SLC2A13: variants seen among roughly 807,000 people sequenced by gnomAD.
SLC2A13 encodes the protein solute carrier family 2 member 13.
Under a neutral mutation model 64.4 loss-of-function variants are expected in SLC2A13, and 32 were observed. That is an observed-to-expected ratio of 0.50 (90% CI 0.37 to 0.67). The LOEUF is 0.67. SLC2A13 is among the 30% of genes least tolerant of loss of function. The pLI is 0.00. For missense variants in SLC2A13, 743 were observed against 829.2 expected (o/e 0.90, Z 1.28); for synonymous variants, 338 against 327.1 (o/e 1.03, Z -0.36).
At chr12:39,951,844 A>T (rs1946237217) in intron 3 of SLC2A13, among the ~76,000 whole-genome samples, 1 of 152,226 alleles carries the variant, frequency 6.6e-6, no homozygotes. Context: ...ATGTTATTTT[A>T]CTAAAGTTAC....
chr12:39,852,766 G>T (rs1226230497), intron 6 of SLC2A13, among the ~76,000 whole-genome samples: 1 of 152,140 alleles, frequency 6.6e-6, no homozygotes, highest in African/African-American at 2.4e-5. Context: ...ACCTCTGATT[G>T]GTCCTCTCCT....
intron 3 of SLC2A13, among the ~76,000 whole-genome samples, chr12:40,026,353 G>C (rs1417848266): frequency 1.3e-5 from 2 of 152,166 alleles, no homozygotes; most frequent in Non-Finnish European, 2.9e-5. Flanking sequence ...CTGGGGAATA[G>C]GGAATTATTT....
At chr12:39,909,987 A>C (rs1945390371) in intron 4 of SLC2A13, among the ~76,000 whole-genome samples, 1 of 151,904 alleles carries the variant, frequency 6.6e-6, no homozygotes, top group African/African-American at 2.4e-5. Flanking sequence ...TAAATCATAG[A>C]TATCTTTTTT....
At chr12:39,865,629 G>T (rs1041302176) in intron 5 of SLC2A13, among the ~76,000 whole-genome samples, 2 of 152,186 alleles carry the variant, frequency 1.3e-5, no homozygotes, top group African/African-American at 2.4e-5. Flanking sequence ...CACAGACATT[G>T]TGAGGGTAAA....
intron 4 of SLC2A13, among the ~76,000 whole-genome samples, chr12:39,920,247 C>G (rs1181755950): frequency 1.3e-5 from 2 of 152,030 alleles, no homozygotes; most frequent in African/African-American, 4.8e-5. Flanking sequence ...CAGCCATACC[C>G]TAAATATATG....
intron 7 of SLC2A13, among the ~76,000 whole-genome samples, chr12:39,829,252 G>T: frequency 6.6e-6 from 1 of 150,964 alleles, no homozygotes; most frequent in Non-Finnish European, 1.5e-5. Flanking sequence ...AAACATTAAG[G>T]TTTCTAGCCT....
chr12:39,759,177 A>AAGAT lies in SLC2A13; in HGVS notation c.*845_*848dup, dbSNP rs1940048171. 6.6e-6 allele frequency: 1 copy of AAGAT among 152,536 alleles called. No individual in the cohort carries two copies. Among genetic ancestry groups the AAGAT allele is most frequent in the Non-Finnish European group, 1.5e-5 (1 of 67,942 alleles). The allele number at this position is 152,536 out of a possible 1,614,324, so 9.4% of individuals were successfully genotyped here. A position where few individuals can be genotyped will look rare whatever the true frequency, so the allele number is the denominator to read the frequency against. On this transcript the variant is annotated 3_prime_UTR_variant, in exon 10 of 10. Transcript: ENST00000280871. ...AAAAACTGACCCTGATATACAGTTAAAGATCTGGCACTATTTTGCATTTAT... is the reference window on the plus strand; with the variant it reads ...AAAAACTGACCCTGATATACAGTTAAAGATAGATCTGGCACTATTTTGCATTTAT...
intron 2 of SLC2A13, among the ~76,000 whole-genome samples, chr12:40,038,061 C>G (rs1948019812): frequency 6.6e-6 from 1 of 152,130 alleles, no homozygotes; most frequent in Admixed American, 6.6e-5. Flanking sequence ...TCCTATTATT[C>G]TAGCTTCTTA....
chr12:39,853,694 C>T (rs575170106), intron 6 of SLC2A13, among the ~76,000 whole-genome samples: 1 of 151,218 alleles, frequency 6.6e-6, no homozygotes, highest in African/African-American at 2.4e-5. Context: ...AAGCTATCTT[C>T]CACTTTGCCA....
intron 3 of SLC2A13, among the ~76,000 whole-genome samples, chr12:39,993,543 A>T (rs1947174583): frequency 6.6e-6 from 1 of 152,256 alleles, no homozygotes; most frequent in South Asian, 2.1e-4. Context: ...GAGCTAGCTT[A>T]AGAGTTATCT....
In SLC2A13 at chr12:39,759,229, T is replaced by G. The variant is rs1033775558; in HGVS notation, c.*797A>C. ...ATTGCATACCTAAGTGACTAACCAATTTGGAACCCATAAAAACCTTTAATC... is the reference window on the plus strand; with the variant it reads ...ATTGCATACCTAAGTGACTAACCAAGTTGGAACCCATAAAAACCTTTAATC... On this transcript the variant is annotated 3_prime_UTR_variant, in exon 10 of 10. Coordinates refer to ENST00000280871, the MANE Select transcript of SLC2A13 (RefSeq NM_052885.4). The G allele has an allele frequency of 6.6e-6, 1 of 152,402 alleles. No homozygotes were observed. Among genetic ancestry groups the G allele is most frequent in the African/African-American group, 2.4e-5 (1 of 41,424 alleles). 9.4% of individuals were successfully genotyped at this position (152,402 alleles called of 1,614,324 possible).
chr12:39,968,951 C>G (rs559221566), intron 3 of SLC2A13, among the ~76,000 whole-genome samples: 26 of 152,020 alleles, frequency 1.7e-4, no homozygotes, highest in Non-Finnish European at 2.6e-4. Flanking sequence ...CTCCCTCCTT[C>G]CCCCACCCCA....
intron 4 of SLC2A13, among the ~76,000 whole-genome samples, chr12:39,934,087 T>C (rs1945878465): frequency 6.6e-6 from 1 of 152,242 alleles, no homozygotes; most frequent in African/African-American, 2.4e-5. Flanking sequence ...AAGTTAGCTA[T>C]GACCTAACTC....
chr12:39,800,139 T>C (rs79488721), intron 7 of SLC2A13, among the ~76,000 whole-genome samples: 2,600 of 152,348 alleles, frequency 0.017, 33 homozygotes, highest in Non-Finnish European at 0.027. Flanking sequence ...GCCATTGAGC[T>C]TCCCAAATGG....
At chr12:39,851,257 A>G (rs1394714553) in intron 6 of SLC2A13, among the ~76,000 whole-genome samples, 1 of 152,168 alleles carries the variant, frequency 6.6e-6, no homozygotes, top group Non-Finnish European at 1.5e-5. Flanking sequence ...ATTTGTTTCC[A>G]AAATGGACAA....
At chr12:39,973,981 C>A (rs568035042) in intron 3 of SLC2A13, among the ~76,000 whole-genome samples, 2 of 152,202 alleles carry the variant, frequency 1.3e-5, no homozygotes. Context: ...GGACCAGAGT[C>A]AGTGGGAAAA....
intron 6 of SLC2A13, among the ~76,000 whole-genome samples, chr12:39,837,008 C>A (rs1381999509): frequency 2.5e-5 from 1 of 39,636 alleles, no homozygotes; most frequent in Non-Finnish European, 4.4e-5. Flanking sequence ...TCATATGGAA[C>A]CAAAAAAGAG....
Position 39,942,899 on chromosome 12 carries a change from C to T in SLC2A13, c.1034+8358G>A, listed in dbSNP as rs145887713. 7.1e-3 allele frequency among the ~76,000 whole-genome samples: 1,085 copies of T among 152,102 alleles called. 5 individuals carry two copies. The highest frequency in any genetic ancestry group is 0.01 in the Middle Eastern group (3 of 294). ...TTCCTCATCTTCATGGATTTATCTA[C>T]CTCTGGTCTTTGATGTTGGTGACCT... On this transcript the variant is annotated intron_variant, in intron 4 of 9. Transcript: ENST00000280871.
intron 3 of SLC2A13, among the ~76,000 whole-genome samples, chr12:40,014,155 A>G (rs1392206698): frequency 6.6e-6 from 1 of 152,214 alleles, no homozygotes; most frequent in East Asian, 1.9e-4. Flanking sequence ...GCAAGTAGTA[A>G]AAGCCCCAGA....
Sources: gnomAD v4.1 joint callset for allele counts (sites outside exome capture counted in the v4.1 genomes callset) on GRCh38, gnomAD v4.1.1 for gene constraint, MANE v1.5 for transcripts, NCBI Gene and HGNC (gene_info 2026-07-23, HGNC 2026-07-21) for gene names.